The following LRRC7 variants were observed in gnomAD, a reference collection of about 807,000 sequenced individuals.
The protein encoded by LRRC7 is leucine-rich repeat-containing protein 7.
Under a neutral mutation model 175.7 loss-of-function variants are expected in LRRC7, and 23 were observed. That is an observed-to-expected ratio of 0.13 (90% CI 0.09 to 0.19). The LOEUF (loss-of-function observed/expected upper bound fraction) is 0.19, where lower values mean the gene tolerates loss of function less well. Among genes scored for constraint, LRRC7 ranks in the 10% least tolerant of loss-of-function variants. The pLI is 1.00. For missense variants in LRRC7, 1,354 were observed against 1,904.7 expected (o/e 0.71, Z 5.38); for synonymous variants, 685 against 680.9 (o/e 1.01, Z -0.09).
intron 8 of LRRC7, among the ~76,000 whole-genome samples, chr1:69,956,446 G>A (rs912412229): frequency 2.6e-5 from 4 of 151,740 alleles, no homozygotes; most frequent in Non-Finnish European, 4.4e-5. Flanking sequence ...AATATTACAA[G>A]TTTTAACAGT....
rs115249650 is a variant in LRRC7, at chr1:69,994,501, T to C, written c.932-60T>C. The C allele has an allele frequency of 6.7e-4, 773 of 1,154,568 alleles. 6 individuals are homozygous for C. In the African/African-American group the frequency reaches 9.9e-3, roughly 15 times the overall value. The allele number at this position is 1,154,568 out of a possible 1,614,324, so 71.5% of individuals were successfully genotyped here. ...CAAGTGATTCATGTGATTTCTTTTA[T>C]ATCACATTTCCTGTCATAATCTGCT... On this transcript the variant is annotated intron_variant, in intron 10 of 26. Transcript: ENST00000651989.
chr1:70,101,337 A>G, intron 25 of LRRC7, among the ~76,000 whole-genome samples: 1 of 152,176 alleles, frequency 6.6e-6, no homozygotes. Flanking sequence ...TCTAGAAACC[A>G]ATTTCTCAGC....
At chr1:70,067,524 C>T (rs556727211) in intron 23 of LRRC7, among the ~76,000 whole-genome samples, 4 of 152,226 alleles carry the variant, frequency 2.6e-5, no homozygotes, top group African/African-American at 9.6e-5. Context: ...CATGGTCTTT[C>T]TTGATTACAA....
chr1:70,081,194 C>T (rs1167427044), intron 24 of LRRC7, among the ~76,000 whole-genome samples: 1 of 152,072 alleles, frequency 6.6e-6, no homozygotes, highest in Non-Finnish European at 1.5e-5. Flanking sequence ...TTCTATAGCT[C>T]AACAATTTAT....
intron 7 of LRRC7, among the ~76,000 whole-genome samples, chr1:69,869,967 T>C (rs145449722): frequency 1.2e-4 from 19 of 152,264 alleles, no homozygotes; most frequent in African/African-American, 3.8e-4. Context: ...ATTTTACAGA[T>C]TGCAAAGATT....
At chr1:70,069,951 T>C (rs1339725529) in intron 23 of LRRC7, among the ~76,000 whole-genome samples, 2 of 152,158 alleles carry the variant, frequency 1.3e-5, no homozygotes, top group African/African-American at 4.8e-5. Flanking sequence ...TCTCCATTTG[T>C]TTCTTCTTTA....
In LRRC7 at chr1:69,623,745, A is replaced by G. The variant is rs140154814; in HGVS notation, c.3-54636A>G. Among the ~76,000 whole-genome samples, 210 of 151,978 alleles carry G rather than the reference A, an allele frequency of 1.4e-3. 4 individuals carry two copies. The East Asian group carries it at 0.029, about 21-fold the overall frequency. On this transcript the variant is annotated intron_variant, in intron 1 of 26. Transcript: ENST00000651989. ...TTGTATTATTAGTATAGATAGGGCC[A>G]CTCCAAGTTGGTCAGACTAGTCTTG...
At chr1:69,609,414 A>AT (rs887677761) in intron 1 of LRRC7, among the ~76,000 whole-genome samples, 5 of 151,982 alleles carry the variant, frequency 3.3e-5, no homozygotes, top group African/African-American at 7.2e-5. Flanking sequence ...GTTTATCTTA[A>AT]TTTTTTTCAT....
intron 8 of LRRC7, among the ~76,000 whole-genome samples, chr1:69,979,207 G>C (rs1247500919): frequency 1.3e-5 from 2 of 152,188 alleles, no homozygotes; most frequent in African/African-American, 2.4e-5. Flanking sequence ...CAATGCACTA[G>C]TTAGCTGAGG....
intron 1 of LRRC7, among the ~76,000 whole-genome samples, chr1:69,658,982 G>A (rs1328101606): frequency 1.3e-5 from 2 of 152,036 alleles, no homozygotes; most frequent in Non-Finnish European, 2.9e-5. Context: ...AAAAGGAGAG[G>A]TTACAAGAAA....
At chr1:69,934,641 T>C (rs1647796466) in intron 8 of LRRC7, among the ~76,000 whole-genome samples, 1 of 152,128 alleles carries the variant, frequency 6.6e-6, no homozygotes, top group Non-Finnish European at 1.5e-5. Flanking sequence ...TCTCATCCTA[T>C]ATATAACCAT....
In LRRC7 at chr1:70,039,543, C is replaced by T; in HGVS notation, c.3719C>T (p.Ala1240Val). The change falls in exon 21 of 27, where the codon GCG becomes GTG. Residue 1240 changes from alanine to valine, a missense_variant. Physicochemically the swap from Ala to Val is moderately conservative, Grantham distance 64. Around this residue, in one of 4 missense-constraint regions of LRRC7, gnomAD observed 1,032 missense variants for 1,227.2 expected, o/e 0.84. Coordinates refer to ENST00000651989, the MANE Select transcript of LRRC7 (RefSeq NM_001370785.2). ...CTTACCCAAAGGAGGCCATTGTCTGCGAGAAGCTACAGTACAGAGAGTTAC... is the reference window on the plus strand; with the variant it reads ...CTTACCCAAAGGAGGCCATTGTCTGTGAGAAGCTACAGTACAGAGAGTTAC... Reference protein sequence around the residue: ...KNLTQRRPLSARSYSTESYGA... With the variant: ...KNLTQRRPLSVRSYSTESYGA... The T allele has an allele frequency of 6.2e-7, 1 of 1,614,106 alleles. No individual in the cohort carries two copies. The highest frequency in any genetic ancestry group is 8.5e-7 in the Non-Finnish European group (1 of 1,180,010).
chr1:70,085,821 T>C (rs1057070263), intron 24 of LRRC7, among the ~76,000 whole-genome samples: 3 of 152,210 alleles, frequency 2.0e-5, no homozygotes, highest in Non-Finnish European at 2.9e-5. Context: ...TTGCTATCTA[T>C]CTTCCTCATT....
chr1:69,761,999 C>A (rs903127026), intron 3 of LRRC7, among the ~76,000 whole-genome samples: 1 of 151,806 alleles, frequency 6.6e-6, no homozygotes, highest in Non-Finnish European at 1.5e-5. Flanking sequence ...AGAGGACACC[C>A]AGTTATATTT....
chr1:69,596,623 T>C (rs1557456141), intron 1 of LRRC7, among the ~76,000 whole-genome samples: 1 of 152,242 alleles, frequency 6.6e-6, no homozygotes, highest in Non-Finnish European at 1.5e-5. Flanking sequence ...TTCTTTCAAG[T>C]GAACTGGAAG....
Position 70,096,394 on chromosome 1 carries a change from T to C in LRRC7, c.4545+6575T>C, listed in dbSNP as rs1305411141. Among the ~76,000 whole-genome samples, 3 of 152,232 alleles carry C rather than the reference T, an allele frequency of 2.0e-5. No individual in the cohort carries two copies. In the East Asian group the frequency reaches 5.8e-4, roughly 29 times the overall value. On this transcript the variant is annotated intron_variant, in intron 25 of 26. Transcript: ENST00000651989. ...AACTGCTTCCTATATTTAAAAATCGTGTTGAATAAACCCATCGCCATGCAC... is the reference window on the plus strand; with the variant it reads ...AACTGCTTCCTATATTTAAAAATCGCGTTGAATAAACCCATCGCCATGCAC...
rs1333355927 is a variant in LRRC7, at chr1:69,641,348, C to A, written c.3-37033C>A. Among the ~76,000 whole-genome samples the A allele has an allele frequency of 3.3e-5, 5 of 151,468 alleles. No individual in the cohort carries two copies. In the South Asian group the frequency reaches 8.3e-4, roughly 25 times the overall value. On this transcript the variant is annotated intron_variant, in intron 1 of 26. Transcript: ENST00000651989. ...GTACTTTAAGTTTGTCTTCTATTTTCTTTTTATTATAAATCTTTCAATTAA... is the reference window on the plus strand; with the variant it reads ...GTACTTTAAGTTTGTCTTCTATTTTATTTTTATTATAAATCTTTCAATTAA...
Position 69,920,227 on chromosome 1 carries a change from A to T in LRRC7, c.648-11280A>T, listed in dbSNP as rs77876884. ...GTAGTTAGGCCACGCTTCTCTGTTC[A>T]GTAGCAAAAGCAAACACTCGTGGGC... On this transcript the variant is annotated intron_variant, in intron 7 of 26. Coordinates refer to ENST00000651989, the MANE Select transcript of LRRC7 (RefSeq NM_001370785.2). 477 of 155,660 alleles carry T rather than the reference A, an allele frequency of 3.1e-3. 4 individuals are homozygous for T. The highest frequency in any genetic ancestry group is 0.021 in the East Asian group (111 of 5,250). 9.6% of individuals were successfully genotyped at this position (155,660 alleles called of 1,614,324 possible). A position where few individuals can be genotyped will look rare whatever the true frequency, so the allele number is the denominator to read the frequency against.
intron 2 of LRRC7, among the ~76,000 whole-genome samples, chr1:69,735,915 T>C (rs771833545): frequency 5.3e-5 from 8 of 151,822 alleles, no homozygotes; most frequent in Non-Finnish European, 1.2e-4. Flanking sequence ...ACATTATCAC[T>C]ATTGGGTCAT....
Sources: gnomAD v4.1 joint callset for allele counts (sites outside exome capture counted in the v4.1 genomes callset) on GRCh38, gnomAD v4.1.1 for gene constraint, gnomAD v4.1.1 regional missense constraint, MANE v1.5 for transcripts, NCBI Gene and HGNC (gene_info 2026-07-23, HGNC 2026-07-21) for gene names.